NWD2: variants seen among roughly 807,000 people sequenced by gnomAD.
NWD2 encodes the protein NACHT and WD repeat domain containing 2, also known as NACHT and WD repeat domain-containing protein 2.
A neutral mutation model predicts 132.7 loss-of-function variants in NWD2; 37 were observed. That is an observed-to-expected ratio of 0.28 (90% CI 0.21 to 0.37). The LOEUF (loss-of-function observed/expected upper bound fraction) is 0.37. NWD2 is among the 10% of genes least tolerant of loss of function. NWD2 has a pLI of 1.00. For synonymous variants in NWD2, 705 were observed against 803.0 expected (o/e 0.88, Z 2.06); for missense variants, 1,592 against 2,122.4 (o/e 0.75, Z 4.91).
chr4:37,395,315 A>G (rs1177323515), intron 3 of NWD2, among the ~76,000 whole-genome samples: 6 of 152,060 alleles, frequency 3.9e-5, no homozygotes, highest in Admixed American at 6.6e-5. Context: ...TTGAGGACAC[A>G]TAGGAGAAGG....
At chr4:37,364,755 A>G (rs981566276) in intron 3 of NWD2, among the ~76,000 whole-genome samples, 4 of 151,830 alleles carry the variant, frequency 2.6e-5, no homozygotes, top group Non-Finnish European at 5.9e-5. Context: ...AGCAGGGAAC[A>G]GAGAATGGGT....
intron 3 of NWD2, among the ~76,000 whole-genome samples, chr4:37,414,046 A>G (rs1290402598): frequency 6.6e-6 from 1 of 151,992 alleles, no homozygotes; most frequent in Non-Finnish European, 1.5e-5. Context: ...GGTGCAGCAA[A>G]CCACCATGGC....
intron 1 of NWD2, among the ~76,000 whole-genome samples, chr4:37,318,291 G>T (rs1431966498): frequency 3.3e-5 from 5 of 152,196 alleles, no homozygotes; most frequent in Non-Finnish European, 5.9e-5. Context: ...CTCCCAAAGT[G>T]CTGGGATTAC....
chr4:37,274,356 A>C (rs1047210589), intron 1 of NWD2, among the ~76,000 whole-genome samples: 2 of 152,168 alleles, frequency 1.3e-5, no homozygotes, highest in African/African-American at 4.8e-5. Context: ...TCCTCGACAC[A>C]TACACCCTCC....
intron 5 of NWD2, among the ~76,000 whole-genome samples, chr4:37,435,085 G>A (rs1225553284): frequency 1.3e-5 from 2 of 152,152 alleles, no homozygotes; most frequent in Non-Finnish European, 2.9e-5. Context: ...GCCATGGAAA[G>A]GAAGCTTTAT....
chr4:37,436,525 AT>A lies in NWD2; in HGVS notation c.707-2273del, dbSNP rs564907127. 2.2e-4 allele frequency among the ~76,000 whole-genome samples: 33 copies of A among 152,134 alleles called. No individual in the cohort carries two copies. The East Asian group carries it at 3.1e-3, about 14-fold the overall frequency. ...TTATCTGTATTTCTTTTTTTGCTCC[AT>A]TTGTGATCAACACTTCTGCTTGATA... On this transcript the variant is annotated intron_variant, in intron 5 of 6. Coordinates refer to ENST00000309447, the MANE Select transcript of NWD2 (RefSeq NM_001144990.2).
At chr4:37,310,087 T>G (rs1318177925) in intron 1 of NWD2, among the ~76,000 whole-genome samples, 1 of 152,198 alleles carries the variant, frequency 6.6e-6, no homozygotes, top group Non-Finnish European at 1.5e-5. Flanking sequence ...ATTGTCACAT[T>G]GAGTAGGGCC....
At chr4:37,394,816 T>TG (rs1560411811) in intron 3 of NWD2, among the ~76,000 whole-genome samples, 12 of 127,040 alleles carry the variant, frequency 9.4e-5, no homozygotes, top group Non-Finnish European at 1.2e-4. Flanking sequence ...TTTTTTTTTT[T>TG]TTTTTTTTTT....
rs565783620 is a variant in NWD2, at chr4:37,268,309, T to G, written c.151+23091T>G. ...CATCAAAACCTGTGAACTTTTAAGG[T>G]TTTGGTTTAAAATCTACCTCCTACT... is the stretch of plus-strand genomic sequence containing the variant. On this transcript the variant is annotated intron_variant, in intron 1 of 6. Coordinates refer to ENST00000309447, the MANE Select transcript of NWD2 (RefSeq NM_001144990.2). Among the ~76,000 whole-genome samples the G allele has an allele frequency of 5.3e-5, 8 of 152,080 alleles. No individual in the cohort carries two copies. The East Asian group carries it at 1.5e-3, about 29-fold the overall frequency.
At chr4:37,412,822 C>T (rs573603934) in intron 3 of NWD2, among the ~76,000 whole-genome samples, 2 of 152,186 alleles carry the variant, frequency 1.3e-5, no homozygotes, top group Non-Finnish European at 2.9e-5. Flanking sequence ...TCAGAAATAA[C>T]ACCACACATC....
At chr4:37,363,261 G>T (rs897454038) in intron 3 of NWD2, among the ~76,000 whole-genome samples, 1 of 152,108 alleles carries the variant, frequency 6.6e-6, no homozygotes, top group Admixed American at 6.5e-5. Flanking sequence ...ATTTCTGAAA[G>T]AACTGAGAAC....
intron 1 of NWD2, among the ~76,000 whole-genome samples, chr4:37,262,240 A>G (rs761165371): frequency 6.6e-6 from 1 of 152,188 alleles, no homozygotes; most frequent in African/African-American, 2.4e-5. Flanking sequence ...CCCACAAAGC[A>G]TAAGGATTTT....
At chr4:37,390,276 A>C (rs954592413) in intron 3 of NWD2, among the ~76,000 whole-genome samples, 3 of 152,164 alleles carry the variant, frequency 2.0e-5, no homozygotes, top group African/African-American at 7.2e-5. Flanking sequence ...GTACATATAC[A>C]TATGAATAAA....
At chr4:37,305,338 T>A (rs1368134542) in intron 1 of NWD2, among the ~76,000 whole-genome samples, 1 of 152,248 alleles carries the variant, frequency 6.6e-6, no homozygotes, top group Non-Finnish European at 1.5e-5. Context: ...ATTGTCTTGC[T>A]ATTAACATTC....
chr4:37,258,923 A>G (rs190296717), intron 1 of NWD2, among the ~76,000 whole-genome samples: 12 of 152,366 alleles, frequency 7.9e-5, no homozygotes, highest in Admixed American at 3.3e-4. Context: ...TATCACAAGT[A>G]GGATCAAGGC....
intron 1 of NWD2, among the ~76,000 whole-genome samples, chr4:37,262,126 A>G (rs916861251): frequency 4.6e-5 from 7 of 152,248 alleles, no homozygotes; most frequent in Non-Finnish European, 8.8e-5. Context: ...GTGTGTGCCT[A>G]TGGAGCATCA....
chr4:37,414,991 C>T (rs1711547155), intron 3 of NWD2, among the ~76,000 whole-genome samples: 1 of 152,178 alleles, frequency 6.6e-6, no homozygotes, highest in Non-Finnish European at 1.5e-5. Flanking sequence ...TGCTCTGAAC[C>T]ACTGTCGGTG....
chr4:37,336,218 T>C (rs1437728442), intron 2 of NWD2, among the ~76,000 whole-genome samples: 3 of 152,214 alleles, frequency 2.0e-5, no homozygotes, highest in Non-Finnish European at 4.4e-5. Flanking sequence ...AGATATTCTT[T>C]GTTATTCTTT....
intron 3 of NWD2, among the ~76,000 whole-genome samples, chr4:37,407,272 A>G (rs1721063299): frequency 6.6e-6 from 1 of 152,112 alleles, no homozygotes; most frequent in South Asian, 2.1e-4. Flanking sequence ...CTAACTACCA[A>G]CTTATAGGGA....
Sources: allele counts gnomAD v4.1 joint callset (sites outside exome capture counted in the v4.1 genomes callset), GRCh38; gene constraint gnomAD v4.1.1; transcripts MANE v1.5; gene names NCBI Gene and HGNC (gene_info 2026-07-23, HGNC 2026-07-21).